PALS1: variants seen among roughly 807,000 people sequenced by gnomAD.
PALS1 encodes protein associated with LIN7 1, MAGUK p55 family member.
In PALS1, 31 loss-of-function variants were observed where a neutral mutation model predicts 78.9. The observed-to-expected ratio is 0.39, with a 90% confidence interval of 0.30 to 0.53. PALS1 has a LOEUF of 0.53. Among genes scored for constraint, PALS1 ranks in the 20% least tolerant of loss-of-function variants. PALS1 has a pLI of 0.67. For missense variants in PALS1, 704 were observed against 826.5 expected (o/e 0.85, Z 1.82); for synonymous variants, 276 against 270.9 (o/e 1.02, Z -0.18).
intron 1 of PALS1, among the ~76,000 whole-genome samples, chr14:67,262,582 C>A (rs1009961217): frequency 2.6e-5 from 4 of 152,144 alleles, no homozygotes; most frequent in Non-Finnish European, 5.9e-5. Flanking sequence ...AGGAATAAAA[C>A]ATTGTCTTTA....
chr14:67,303,573 A>G lies in PALS1; in HGVS notation c.1015A>G (p.Lys339Glu). The change falls in exon 8 of 15, where the codon AAG (lysine) becomes GAG (glutamate). Residue 339 changes from lysine to glutamate, a missense_variant. Coordinates refer to ENST00000261681, the MANE Select transcript of PALS1 (RefSeq NM_022474.4). ...TGTCCTGATTCCCAGTCAACAGATCAAGCCGCCTCCTGCCAAGGAAACAGT... is the reference window on the plus strand; with the variant it reads ...TGTCCTGATTCCCAGTCAACAGATCGAGCCGCCTCCTGCCAAGGAAACAGT... ...TFVLIPSQQI[K>E]PPPAKETVIH... is the part of the protein sequence containing the mutation. The G allele has an allele frequency of 6.2e-7, 1 of 1,613,766 alleles. No individual in the cohort carries two copies. Among genetic ancestry groups the G allele is most frequent in the Middle Eastern group, 1.7e-4 (1 of 6,060 alleles).
intron 9 of PALS1, among the ~76,000 whole-genome samples, chr14:67,314,535 T>TC (rs1369164828): frequency 6.6e-6 from 1 of 152,218 alleles, no homozygotes; most frequent in Non-Finnish European, 1.5e-5. Flanking sequence ...GAGTAACAGT[T>TC]ACAGGACATT....
chr14:67,273,557 A>G (rs530187305), intron 2 of PALS1, among the ~76,000 whole-genome samples: 4 of 152,198 alleles, frequency 2.6e-5, no homozygotes, highest in African/African-American at 9.6e-5. Context: ...AGTCTTTGCT[A>G]TTGTGAATAG....
At chr14:67,327,762 A>C (rs1353520474) in intron 14 of PALS1, among the ~76,000 whole-genome samples, 1 of 152,006 alleles carries the variant, frequency 6.6e-6, no homozygotes, top group Non-Finnish European at 1.5e-5. Context: ...TCCTTGTGAT[A>C]GTTTTCTCAG....
chr14:67,335,868 A>C lies in PALS1; in HGVS notation c.*2912A>C, dbSNP rs2085524423. ...GCTCGGCCACTCAAGGTTTCCACAC[A>C]TGTAAAGACCACCCTCCTCTTCAAG... On this transcript the variant is annotated 3_prime_UTR_variant, in exon 15 of 15. Coordinates refer to ENST00000261681, the MANE Select transcript of PALS1 (RefSeq NM_022474.4). 6.6e-6 allele frequency: 1 copy of C among 152,288 alleles called. No individual in the cohort carries two copies. Among genetic ancestry groups the C allele is most frequent in the Admixed American group, 6.5e-5 (1 of 15,286 alleles). 9.4% of individuals were successfully genotyped at this position (152,288 alleles called of 1,614,324 possible).
chr14:67,335,548 T>A lies in PALS1; in HGVS notation c.*2592T>A, dbSNP rs1044597095. ...GAATATTATTTAGACTAATCCAGAT[T>A]TGCTTTCTATGAAAATCTAATGTCT... On this transcript the variant is annotated 3_prime_UTR_variant, in exon 15 of 15. Coordinates refer to ENST00000261681, the MANE Select transcript of PALS1 (RefSeq NM_022474.4). 2 of 152,686 alleles carry A rather than the reference T, an allele frequency of 1.3e-5. No homozygotes were observed. Among genetic ancestry groups the A allele is most frequent in the African/African-American group, 4.8e-5 (2 of 41,474 alleles). The allele number at this position is 152,686 out of a possible 1,614,324, so 9.5% of individuals were successfully genotyped here.
rs994300617 is a variant in PALS1 at position 67,333,494 on chromosome 14, C to G, written c.*538C>G. The G allele has an allele frequency of 6.6e-6, 1 of 152,486 alleles. No homozygotes were observed. The highest frequency in any genetic ancestry group is 2.4e-5 in the African/African-American group (1 of 41,388). The allele number at this position is 152,486 out of a possible 1,614,324, so 9.4% of individuals were successfully genotyped here. A position where few individuals can be genotyped will look rare whatever the true frequency, so the allele number is the denominator to read the frequency against. ...GGAAAAATAAAAAACAAAATGGTGC[C>G]ACTTTGGGTTGAAGCTACTTTGTTA... On this transcript the variant is annotated 3_prime_UTR_variant, in exon 15 of 15. Coordinates refer to ENST00000261681, the MANE Select transcript of PALS1 (RefSeq NM_022474.4).
chr14:67,306,408 G>A (rs1376364366), intron 8 of PALS1, among the ~76,000 whole-genome samples: 1 of 151,772 alleles, frequency 6.6e-6, no homozygotes, highest in Non-Finnish European at 1.5e-5. Context: ...ACAGTGGTGC[G>A]ATCTTGGCTC....
At chr14:67,311,484 T>G (rs1323490236) in intron 8 of PALS1, among the ~76,000 whole-genome samples, 1 of 152,176 alleles carries the variant, frequency 6.6e-6, no homozygotes, top group Non-Finnish European at 1.5e-5. Flanking sequence ...ATTACAAATT[T>G]GTGTGAGATC....
intron 1 of PALS1, among the ~76,000 whole-genome samples, chr14:67,250,071 G>A (rs950742611): frequency 6.6e-6 from 1 of 152,094 alleles, no homozygotes; most frequent in African/African-American, 2.4e-5. Context: ...ATTCACTAGA[G>A]CGATTTTATG....
chr14:67,279,824 T>C (rs2140681126), intron 3 of PALS1: 1 of 334,828 alleles, frequency 3.0e-6, no homozygotes, highest in Non-Finnish European at 5.4e-6. Flanking sequence ...TTACCTTTTA[T>C]ATCAAACCAC....
intron 7 of PALS1, among the ~76,000 whole-genome samples, chr14:67,302,883 C>A (rs1057388704): frequency 6.6e-6 from 1 of 152,224 alleles, no homozygotes; most frequent in South Asian, 2.1e-4. Context: ...GAAACAGTAA[C>A]AAAACAAAGT....
chr14:67,242,418 G>A (rs1318513898), intron 1 of PALS1, among the ~76,000 whole-genome samples: 4 of 152,152 alleles, frequency 2.6e-5, no homozygotes, highest in Non-Finnish European at 5.9e-5. Context: ...TTTGACTGAC[G>A]CAGTGAAAGG....
chr14:67,274,623 A>G (rs531808797), intron 2 of PALS1, among the ~76,000 whole-genome samples: 309 of 152,280 alleles, frequency 2.0e-3, no homozygotes, highest in African/African-American at 7.0e-3. Context: ...TTGGTTCCAT[A>G]TGAACTTTAA....
At position 67,323,699 on chromosome 14, in the gene PALS1, C is replaced by T. The variant is rs2085304795; in HGVS notation, c.1741-3C>T. 1.4e-6 allele frequency: 2 copies of T among 1,436,730 alleles called. No individual in the cohort carries two copies. The highest frequency in any genetic ancestry group is 1.5e-5 in the African/African-American group (1 of 68,794). 89.0% of individuals were successfully genotyped at this position (1,436,730 alleles called of 1,614,324 possible). A position where few individuals can be genotyped will look rare whatever the true frequency, so the allele number is the denominator to read the frequency against. The stretch of plus-strand genomic sequence containing the variant: ...TTTTAAAAATCAAAATGTCTCTTTA[C>T]AGTCATTGAAGACTCTCCGGAATTC... On this transcript the variant is annotated splice_polypyrimidine_tract_variant and splice_region_variant and intron_variant, in intron 13 of 14. Coordinates refer to ENST00000261681, the MANE Select transcript of PALS1 (RefSeq NM_022474.4).
chr14:67,279,987 C>T (rs2084579166), intron 3 of PALS1: 1 of 154,014 alleles, frequency 6.5e-6, no homozygotes, highest in Non-Finnish European at 1.4e-5. Flanking sequence ...TGGTATTGTT[C>T]ATATGGTATC....
In PALS1 at chr14:67,253,953, A is replaced by ATCTTG. The variant is rs200395068; in HGVS notation, c.-237+12421_-237+12422insCTTGT. ...CTGATATCAGTGTGTTTGTGTTAAT[A>ATCTTG]TTTTGTTTTGTTTTTTTTTTTCCAT... is the stretch of plus-strand genomic sequence containing the variant. On this transcript the variant is annotated intron_variant, in intron 1 of 14. Transcript: ENST00000261681. Among the ~76,000 whole-genome samples, 4 of 138,710 alleles carry ATCTTG rather than the reference A, an allele frequency of 2.9e-5. 1 individual carries two copies. In the East Asian group the frequency reaches 9.2e-4, roughly 32 times the overall value. 91.0% of individuals were successfully genotyped at this position (138,710 alleles called of 152,430 possible). A position where few individuals can be genotyped will look rare whatever the true frequency, so the allele number is the denominator to read the frequency against.
At chr14:67,274,587 G>A (rs1156460285) in intron 2 of PALS1, among the ~76,000 whole-genome samples, 2 of 152,050 alleles carry the variant, frequency 1.3e-5, no homozygotes, top group Non-Finnish European at 2.9e-5. Context: ...TTGGCTTAGG[G>A]TTGTCTTGGC....
At chr14:67,252,604 T>C (rs1216765386) in intron 1 of PALS1, among the ~76,000 whole-genome samples, 1 of 152,146 alleles carries the variant, frequency 6.6e-6, no homozygotes. Context: ...TGGGATCTGA[T>C]TGTAACTCCA....
Sources: allele counts gnomAD v4.1 joint callset (sites outside exome capture counted in the v4.1 genomes callset), GRCh38; gene constraint gnomAD v4.1.1; transcripts MANE v1.5; gene names NCBI Gene and HGNC (gene_info 2026-07-23, HGNC 2026-07-21).